Variants in HPSE2 observed in about 807,000 individuals in gnomAD.
HPSE2 encodes the protein heparanase 2 (inactive).
In HPSE2, 38 loss-of-function variants were observed where a neutral mutation model predicts 60.5. That is an observed-to-expected ratio of 0.63 (90% CI 0.48 to 0.82). HPSE2 has a LOEUF of 0.82. Among genes scored for constraint, HPSE2 ranks in the 40% least tolerant of loss-of-function variants. The pLI, the probability that HPSE2 is intolerant of heterozygous loss-of-function variation, is 0.00. For missense variants in HPSE2, 713 were observed against 740.4 expected, an observed-to-expected ratio of 0.96 and a Z score of 0.43; for synonymous variants, 295 against 293.2, an observed-to-expected ratio of 1.01 and a Z score of -0.06.
At chr10:98,850,240 G>A (rs550561662) in intron 3 of HPSE2, among the ~76,000 whole-genome samples, 4 of 152,216 alleles carry the variant, frequency 2.6e-5, no homozygotes, top group African/African-American at 9.6e-5. Flanking sequence ...CCCATATAGA[G>A]TGAGCTATAC....
chr10:98,544,001 C>G (rs1029961860), intron 9 of HPSE2, among the ~76,000 whole-genome samples: 18 of 149,842 alleles, frequency 1.2e-4, no homozygotes, highest in African/African-American at 3.4e-4. Flanking sequence ...CTACAGAACT[C>G]TCCACCCCAA....
At chr10:98,879,087 A>G (rs955849516) in intron 3 of HPSE2, among the ~76,000 whole-genome samples, 1 of 152,044 alleles carries the variant, frequency 6.6e-6, no homozygotes, top group African/African-American at 2.4e-5. Context: ...TGATAACATT[A>G]CACTTGACAT....
chr10:99,108,551 T>C (rs1844336340), intron 3 of HPSE2, among the ~76,000 whole-genome samples: 1 of 152,210 alleles, frequency 6.6e-6, no homozygotes, highest in African/African-American at 2.4e-5. Flanking sequence ...AAGCATGTGA[T>C]AGAGGGATAT....
chr10:99,149,876 C>A (rs566780588), intron 2 of HPSE2, among the ~76,000 whole-genome samples: 1 of 144,704 alleles, frequency 6.9e-6, no homozygotes, highest in East Asian at 2.0e-4. Flanking sequence ...TTTTTTTTTT[C>A]TCCTGGTACA....
intron 3 of HPSE2, among the ~76,000 whole-genome samples, chr10:98,967,598 C>T (rs1359691900): frequency 1.3e-5 from 2 of 152,090 alleles, no homozygotes; most frequent in Non-Finnish European, 2.9e-5. Context: ...CTCTTACATA[C>T]AAATAACTCA....
chr10:98,846,220 T>C (rs888068759), intron 3 of HPSE2, among the ~76,000 whole-genome samples: 4 of 152,330 alleles, frequency 2.6e-5, no homozygotes, highest in South Asian at 2.1e-4. Flanking sequence ...TTTTAAAAGA[T>C]AGAAGTCAAA....
intron 9 of HPSE2, among the ~76,000 whole-genome samples, chr10:98,611,696 CA>C (rs1250653360): frequency 6.6e-5 from 10 of 152,136 alleles, no homozygotes; most frequent in African/African-American, 2.4e-4. Context: ...AAATTCCTTC[CA>C]GGGGAGACTT....
intron 3 of HPSE2, among the ~76,000 whole-genome samples, chr10:99,018,113 TG>T (rs1161586766): frequency 1.3e-5 from 2 of 152,240 alleles, no homozygotes; most frequent in Non-Finnish European, 2.9e-5. Context: ...TTGAAGATTT[TG>T]TTAGAAGACT....
intron 3 of HPSE2, among the ~76,000 whole-genome samples, chr10:98,797,776 G>C (rs1239350400): frequency 2.6e-5 from 4 of 151,984 alleles, no homozygotes; most frequent in Non-Finnish European, 4.4e-5. Context: ...CCTGGGAGAC[G>C]GAGGTTGCGG....
intron 2 of HPSE2, among the ~76,000 whole-genome samples, chr10:99,171,762 A>C (rs936578470): frequency 6.6e-6 from 1 of 152,156 alleles, no homozygotes; most frequent in Non-Finnish European, 1.5e-5. Flanking sequence ...GAAGAAGCAG[A>C]TAAGTATTTA....
At chr10:98,632,490 A>C (rs559620642) in intron 7 of HPSE2, among the ~76,000 whole-genome samples, 2 of 152,144 alleles carry the variant, frequency 1.3e-5, no homozygotes, top group Non-Finnish European at 2.9e-5. Flanking sequence ...AATGACTAAA[A>C]CTTTGGTGTT....
chr10:98,473,653 G>A (rs1183162751), intron 11 of HPSE2, among the ~76,000 whole-genome samples: 1 of 152,156 alleles, frequency 6.6e-6, no homozygotes, highest in African/African-American at 2.4e-5. Context: ...AATGGTTGAA[G>A]GATCTGAGAG....
At chr10:99,218,229 C>T (rs1291808951) in intron 2 of HPSE2, among the ~76,000 whole-genome samples, 1 of 150,930 alleles carries the variant, frequency 6.6e-6, no homozygotes, top group Admixed American at 6.6e-5. Context: ...CAAGTTTGCC[C>T]CTTACCTGAC....
chr10:98,894,586 G>T (rs956227402), intron 3 of HPSE2, among the ~76,000 whole-genome samples: 2 of 151,946 alleles, frequency 1.3e-5, no homozygotes, highest in Non-Finnish European at 2.9e-5. Flanking sequence ...CTAAAAACAT[G>T]CATAGAAAGT....
At chr10:98,894,574 AC>A (rs1480404635) in intron 3 of HPSE2, among the ~76,000 whole-genome samples, 1 of 152,166 alleles carries the variant, frequency 6.6e-6, no homozygotes, top group Non-Finnish European at 1.5e-5. Context: ...TAAAGAAATT[AC>A]CTAAAAACAT....
the HPSE2 span, among the ~76,000 whole-genome samples, chr10:99,253,345 C>A: frequency 5.4e-3 from 818 of 152,244 alleles, 6 homozygotes; most frequent in South Asian, 0.01. Flanking sequence ...CTACAGCCAT[C>A]TGATCTTTGA....
chr10:99,159,672 C>G (rs542925039), intron 2 of HPSE2, among the ~76,000 whole-genome samples: 1 of 152,224 alleles, frequency 6.6e-6, no homozygotes, highest in African/African-American at 2.4e-5. Context: ...AAATCAATCA[C>G]AGACCTAAAT....
At chr10:98,876,688 T>A (rs1952885962) in intron 3 of HPSE2, among the ~76,000 whole-genome samples, 1 of 151,856 alleles carries the variant, frequency 6.6e-6, no homozygotes, top group Admixed American at 6.6e-5. Flanking sequence ...ACATTAATAT[T>A]CAAAGCATAT....
At chr10:98,643,251 T>C (rs927855574) in intron 6 of HPSE2, among the ~76,000 whole-genome samples, 10 of 152,242 alleles carry the variant, frequency 6.6e-5, no homozygotes, top group African/African-American at 2.4e-4. Flanking sequence ...AGTTTTTTTA[T>C]TCTTAAATGG....
Sources: allele counts gnomAD v4.1 joint callset (sites outside exome capture counted in the v4.1 genomes callset), GRCh38; gene constraint gnomAD v4.1.1; transcripts MANE v1.5; gene names NCBI Gene and HGNC (gene_info 2026-07-23, HGNC 2026-07-21).